Variants in DTWD2 observed in about 807,000 individuals in gnomAD.
DTWD2 encodes the protein DTW motif tRNA-uridine aminocarboxypropyltransferase 2, also known as tRNA-uridine aminocarboxypropyltransferase 2.
DTWD2 carries 39 observed loss-of-function variants against 31.8 expected under a neutral mutation model. The observed-to-expected ratio is 1.22, with a 90% confidence interval of 0.95 to 1.60. The LOEUF (loss-of-function observed/expected upper bound fraction) is 1.60. Among genes scored for constraint, DTWD2 ranks in the 40% most tolerant of loss-of-function variants. DTWD2 has a pLI of 0.00. For synonymous variants in DTWD2, 180 were observed against 142.8 expected (o/e 1.26, Z -1.86); for missense variants, 515 against 381.5 (o/e 1.35, Z -2.92).
intron 1 of DTWD2, among the ~76,000 whole-genome samples, chr5:118,961,397 T>C (rs1431901477): frequency 6.6e-6 from 1 of 152,254 alleles, no homozygotes; most frequent in Non-Finnish European, 1.5e-5. Flanking sequence ...ATTTCCATAG[T>C]TTGTCTTAAA....
chr5:118,864,141 C>A (rs1401764087), intron 4 of DTWD2, among the ~76,000 whole-genome samples: 2 of 78,888 alleles, frequency 2.5e-5, no homozygotes, highest in Non-Finnish European at 4.6e-5. Flanking sequence ...AAATGTCCAA[C>A]AATGATAGAC....
intron 4 of DTWD2, among the ~76,000 whole-genome samples, chr5:118,884,534 G>A (rs923015923): frequency 6.6e-6 from 1 of 152,022 alleles, no homozygotes; most frequent in Non-Finnish European, 1.5e-5. Flanking sequence ...TTAGTACAGG[G>A]TACTGTACTT....
intron 4 of DTWD2, among the ~76,000 whole-genome samples, chr5:118,910,661 T>C (rs79107544): frequency 0.014 from 2,100 of 152,320 alleles, 41 homozygotes; most frequent in African/African-American, 0.048. Context: ...TCCACATTTT[T>C]AGTTATTTGT....
At chr5:118,899,904 C>T (rs1183760631) in intron 4 of DTWD2, among the ~76,000 whole-genome samples, 7 of 150,242 alleles carry the variant, frequency 4.7e-5, no homozygotes, top group Admixed American at 6.7e-5. Context: ...CGGGTTCAAG[C>T]GATTCTCCTG....
intron 4 of DTWD2, among the ~76,000 whole-genome samples, chr5:118,878,042 G>C (rs549842763): frequency 3.3e-5 from 5 of 151,974 alleles, no homozygotes; most frequent in Non-Finnish European, 7.4e-5. Context: ...AGAAACCAGA[G>C]ATCTCACAAA....
intron 4 of DTWD2, among the ~76,000 whole-genome samples, chr5:118,894,326 T>C (rs772302633): frequency 3.4e-4 from 52 of 152,142 alleles, no homozygotes; most frequent in Non-Finnish European, 7.5e-4. Context: ...AAGATTTTTG[T>C]TGGAAAACAA....
intron 4 of DTWD2, among the ~76,000 whole-genome samples, chr5:118,883,237 G>GT (rs1410403544): frequency 1.3e-5 from 2 of 152,128 alleles, no homozygotes; most frequent in Non-Finnish European, 2.9e-5. Flanking sequence ...TTCCCAATAA[G>GT]TTCCTCATCT....
At chr5:118,953,799 T>C (rs1411269416) in intron 1 of DTWD2, among the ~76,000 whole-genome samples, 1 of 152,218 alleles carries the variant, frequency 6.6e-6, no homozygotes, top group African/African-American at 2.4e-5. Flanking sequence ...TGCTCTACAA[T>C]GCCACAAATG....
At chr5:118,946,828 C>T (rs1054943454) in intron 1 of DTWD2, among the ~76,000 whole-genome samples, 3 of 152,130 alleles carry the variant, frequency 2.0e-5, no homozygotes, top group Non-Finnish European at 4.4e-5. Flanking sequence ...GCAACCTCTG[C>T]CTCCCGGATT....
chr5:118,840,637 T>A lies in DTWD2; in HGVS notation c.*280A>T, dbSNP rs1751689343. The A allele has an allele frequency of 4.3e-6, 1 of 231,104 alleles. No homozygotes were observed. The highest frequency in any genetic ancestry group is 1.5e-3 in the Middle Eastern group (1 of 648). The allele number at this position is 231,104 out of a possible 1,614,324, so 14.3% of individuals were successfully genotyped here. A position where few individuals can be genotyped will look rare whatever the true frequency, so the allele number is the denominator to read the frequency against. On this transcript the variant is annotated 3_prime_UTR_variant, in exon 6 of 6. Transcript: ENST00000510708. The stretch of plus-strand genomic sequence containing the variant: ...TTTACAAGTAAGAACTTCTAACCTA[T>A]CACAACAACAAATCATATTTTAAAT...
chr5:118,889,374 C>A (rs574061132), intron 4 of DTWD2, among the ~76,000 whole-genome samples: 1 of 152,044 alleles, frequency 6.6e-6, no homozygotes, highest in Admixed American at 6.6e-5. Flanking sequence ...AATTTAACAT[C>A]AAGCAATAAA....
chr5:118,945,774 A>AAAGAAAGAAAGAAAGAAAG (rs1554069059), intron 1 of DTWD2, among the ~76,000 whole-genome samples: 2 of 134,304 alleles, frequency 1.5e-5, no homozygotes, highest in African/African-American at 5.7e-5. Flanking sequence ...CAAAAAAAAA[A>AAAGAAAGAAAGAAAGAAAG]AAAGAAAGAA....
intron 5 of DTWD2, among the ~76,000 whole-genome samples, chr5:118,846,725 T>A (rs150876779): frequency 6.6e-6 from 1 of 152,000 alleles, no homozygotes; most frequent in Non-Finnish European, 1.5e-5. Context: ...GAAAGACACA[T>A]ATGGGGTATA....
At chr5:118,848,383 ATAG>A (rs1751911282) in intron 4 of DTWD2, among the ~76,000 whole-genome samples, 165 bp from the exon 5 acceptor site, 1 of 152,222 alleles carries the variant, frequency 6.6e-6, no homozygotes, top group South Asian at 2.1e-4. Flanking sequence ...CAATTGTTAA[ATAG>A]TAGAAGATAG....
chr5:118,887,285 G>A (rs1752887893), intron 4 of DTWD2, among the ~76,000 whole-genome samples: 1 of 152,160 alleles, frequency 6.6e-6, no homozygotes, highest in South Asian at 2.1e-4. Context: ...AATAAAGTTA[G>A]TCCATGGCTC....
chr5:118,950,623 G>T lies in DTWD2; in HGVS notation c.219-5974C>A, dbSNP rs149299302. Among the ~76,000 whole-genome samples the T allele has an allele frequency of 7.7e-3, 1,166 of 152,262 alleles. 26 individuals carry two copies. The highest frequency in any genetic ancestry group is 0.027 in the African/African-American group (1,111 of 41,550). On this transcript the variant is annotated intron_variant, in intron 1 of 5. Coordinates refer to ENST00000510708, the MANE Select transcript of DTWD2 (RefSeq NM_173666.4). Reference sequence around the variant, plus strand: ...TGGGACATGACTAAGGAGGAATCCCGGGCTGCAGGCATTCCTTGGCCCAGT... The same window carrying T: ...TGGGACATGACTAAGGAGGAATCCCTGGCTGCAGGCATTCCTTGGCCCAGT...
intron 4 of DTWD2, among the ~76,000 whole-genome samples, chr5:118,904,665 A>T (rs1301366231): frequency 1.3e-5 from 2 of 152,152 alleles, no homozygotes; most frequent in Non-Finnish European, 2.9e-5. Context: ...AAAATAAAAT[A>T]AGAAATTGAT....
chr5:118,988,350 C>G lies in DTWD2; in HGVS notation c.162G>C (p.Gly54=). 7.1e-6 allele frequency: 11 copies of G among 1,559,996 alleles called. No homozygotes were observed. The highest frequency in any genetic ancestry group is 9.5e-6 in the Non-Finnish European group (11 of 1,155,398). Residue 54 remains glycine (G), a synonymous_variant, in exon 1 of 6, where the codon GGG becomes GGC. Coordinates refer to ENST00000510708, the MANE Select transcript of DTWD2 (RefSeq NM_173666.4). ...CCGGCTCCACCGGCAGCTCCCACAG[C>G]CCGTCCGCACTGTCGTCGTCCGCCT... ...GAEADDDSAD[G]LWELPVEPAE...
intron 4 of DTWD2, among the ~76,000 whole-genome samples, chr5:118,875,563 G>GAAA (rs34990814): frequency 2.0e-4 from 9 of 44,538 alleles, no homozygotes; most frequent in Admixed American, 4.7e-4. Context: ...CCTAGTTTCT[G>GAAA]AAAAAAAAAA....
Sources: allele counts gnomAD v4.1 joint callset (sites outside exome capture counted in the v4.1 genomes callset), GRCh38; gene constraint gnomAD v4.1.1; transcripts MANE v1.5; gene names NCBI Gene and HGNC (gene_info 2026-07-23, HGNC 2026-07-21).